Variants in RBMS1 observed in about 807,000 individuals in gnomAD.
RBMS1 encodes RNA-binding motif, single-stranded-interacting protein 1.
RBMS1 carries 17 observed loss-of-function variants against 62.3 expected under a neutral mutation model. The ratio of observed to expected loss-of-function variants is 0.27; its 90% CI spans 0.19 to 0.41. RBMS1 has a LOEUF of 0.41. RBMS1 is among the 10% of genes least tolerant of loss of function. The pLI, the probability that RBMS1 is intolerant of heterozygous loss-of-function variation, is 1.00. For synonymous variants in RBMS1, 172 were observed against 170.0 expected (o/e 1.01, Z -0.09); for missense variants, 334 against 504.5 (o/e 0.66, Z 3.24).
chr2:160,336,770 A>G (rs1240325643), intron 2 of RBMS1, among the ~76,000 whole-genome samples: 8 of 152,158 alleles, frequency 5.3e-5, no homozygotes, highest in Non-Finnish European at 4.4e-5. Flanking sequence ...GCCACATTTC[A>G]AGCACTCAAT....
intron 1 of RBMS1, among the ~76,000 whole-genome samples, chr2:160,414,596 CTT>C (rs1032142589): frequency 8.5e-5 from 13 of 152,236 alleles, no homozygotes; most frequent in African/African-American, 3.1e-4. Flanking sequence ...AAACAAATAA[CTT>C]ATAAACATTT....
rs924370284 is a variant in RBMS1 at position 160,274,111 on chromosome 2, C to T, written c.*661G>A. Reference sequence around the variant, plus strand: ...CTCATTTGGTCAAAGCATTCTACATCATTAGTTTGAACTAACTTTTACTGA... The same window carrying T: ...CTCATTTGGTCAAAGCATTCTACATTATTAGTTTGAACTAACTTTTACTGA... On this transcript the variant is annotated 3_prime_UTR_variant, in exon 14 of 14. Coordinates refer to ENST00000348849, the MANE Select transcript of RBMS1 (RefSeq NM_016836.4). The T allele has an allele frequency of 6.6e-6, 1 of 152,608 alleles. No homozygotes were observed. The highest frequency in any genetic ancestry group is 2.4e-5 in the African/African-American group (1 of 41,450). 9.5% of individuals were successfully genotyped at this position (152,608 alleles called of 1,614,324 possible). A position where few individuals can be genotyped will look rare whatever the true frequency, so the allele number is the denominator to read the frequency against.
intron 6 of RBMS1, among the ~76,000 whole-genome samples, chr2:160,296,733 A>G (rs1269640949): frequency 1.3e-5 from 2 of 152,142 alleles, no homozygotes; most frequent in Non-Finnish European, 2.9e-5. Context: ...TTATTTAATA[A>G]GGTTCAATTC....
rs544669988 is a variant in RBMS1 at position 160,303,525 on chromosome 2, A to G, written c.403-38T>C. 2.6e-6 allele frequency: 4 copies of G among 1,564,938 alleles called. No individual in the cohort carries two copies. In the South Asian group the frequency reaches 4.8e-5, roughly 19 times the overall value. On this transcript the variant is annotated intron_variant, in intron 4 of 13. Transcript: ENST00000348849. ...AGAGTGTTGTCCATTAATTTCCAAC[A>G]GAAGGTGAGATATTTATGTTAACAC...
intron 6 of RBMS1, among the ~76,000 whole-genome samples, chr2:160,297,608 G>T (rs183975686): frequency 2.0e-5 from 3 of 152,350 alleles, no homozygotes; most frequent in African/African-American, 7.2e-5. Context: ...GTGTCCTCAA[G>T]GTGATGATCT....
chr2:160,389,270 A>T (rs1694735181), intron 1 of RBMS1, among the ~76,000 whole-genome samples: 1 of 152,232 alleles, frequency 6.6e-6, no homozygotes, highest in African/African-American at 2.4e-5. Flanking sequence ...TGAGAAAAAT[A>T]CCAGAAAATG....
At chr2:160,366,701 C>CT (rs1693416692) in intron 2 of RBMS1, among the ~76,000 whole-genome samples, 1 of 152,228 alleles carries the variant, frequency 6.6e-6, no homozygotes. Flanking sequence ...GAATTGAGTT[C>CT]TTATTCCTAA....
intron 1 of RBMS1, among the ~76,000 whole-genome samples, chr2:160,377,523 G>C (rs1172296176): frequency 6.6e-6 from 1 of 152,190 alleles, no homozygotes; most frequent in Non-Finnish European, 1.5e-5. Context: ...ATTTGGGAAG[G>C]GCCCCCTTCC....
chr2:160,406,776 G>A (rs1695733023), intron 1 of RBMS1, among the ~76,000 whole-genome samples: 2 of 152,168 alleles, frequency 1.3e-5, no homozygotes, highest in African/African-American at 4.8e-5. Flanking sequence ...TTCCCAGCAG[G>A]GGATTGTGAT....
In RBMS1 at chr2:160,273,807, C is replaced by T. The variant is rs1205368786; in HGVS notation, c.*965G>A. ...CTGAAAAAAGGCAAAAAAGACTTTA[C>T]ATTGCATCATACAGCAGATATCCTA... On this transcript the variant is annotated 3_prime_UTR_variant, in exon 14 of 14. Coordinates refer to ENST00000348849, the MANE Select transcript of RBMS1 (RefSeq NM_016836.4). 1 of 135,602 alleles carries T rather than the reference C, an allele frequency of 7.4e-6. No individual in the cohort carries two copies. The highest frequency in any genetic ancestry group is 1.5e-5 in the Non-Finnish European group (1 of 64,862). The allele number at this position is 135,602 out of a possible 1,614,324, so 8.4% of individuals were successfully genotyped here.
chr2:160,414,309 T>G (rs991318666), intron 1 of RBMS1, among the ~76,000 whole-genome samples: 2 of 152,214 alleles, frequency 1.3e-5, no homozygotes, highest in African/African-American at 4.8e-5. Context: ...TTTTGTTTTT[T>G]TGTTTTTTTT....
intron 2 of RBMS1, among the ~76,000 whole-genome samples, chr2:160,359,985 G>A: frequency 6.6e-6 from 1 of 152,118 alleles, no homozygotes; most frequent in East Asian, 1.9e-4. Context: ...TACTTGGGAG[G>A]CTGAGGCAGG....
At chr2:160,420,309 A>G (rs553507240) in intron 1 of RBMS1, among the ~76,000 whole-genome samples, 2 of 152,222 alleles carry the variant, frequency 1.3e-5, no homozygotes, top group South Asian at 4.1e-4. Context: ...GAGCTTTGCC[A>G]GGAAACAGCC....
chr2:160,395,872 C>A (rs1695112097), intron 1 of RBMS1, among the ~76,000 whole-genome samples: 1 of 152,108 alleles, frequency 6.6e-6, no homozygotes, highest in Non-Finnish European at 1.5e-5. Context: ...TTTTCTTCCA[C>A]GATTATAACC....
At chr2:160,478,997 G>A (rs1471822409) in intron 1 of RBMS1, among the ~76,000 whole-genome samples, 5 of 152,196 alleles carry the variant, frequency 3.3e-5, no homozygotes, top group African/African-American at 7.2e-5. Context: ...CGTGGTGAAC[G>A]AAAGGGTTGG....
intron 2 of RBMS1, among the ~76,000 whole-genome samples, chr2:160,345,104 A>G (rs1334579648): frequency 6.6e-6 from 1 of 152,154 alleles, no homozygotes; most frequent in African/African-American, 2.4e-5. Flanking sequence ...ATTACATGGT[A>G]ATTTCAGAAG....
chr2:160,367,794 A>C (rs970805933), intron 1 of RBMS1, among the ~76,000 whole-genome samples: 1 of 152,204 alleles, frequency 6.6e-6, no homozygotes, highest in South Asian at 2.1e-4. Flanking sequence ...AAGTTGCTTA[A>C]AATTTTATTA....
At chr2:160,487,707 C>T (rs1261771690) in intron 1 of RBMS1, among the ~76,000 whole-genome samples, 1 of 152,226 alleles carries the variant, frequency 6.6e-6, no homozygotes, top group African/African-American at 2.4e-5. Context: ...ATATCAGCAT[C>T]CAACCTCACT....
intron 1 of RBMS1, among the ~76,000 whole-genome samples, chr2:160,487,257 T>G (rs1685635710): frequency 6.6e-6 from 1 of 152,228 alleles, no homozygotes. Flanking sequence ...CTTTTCACTT[T>G]CTTGCAAAAG....
Sources: allele counts gnomAD v4.1 joint callset (sites outside exome capture counted in the v4.1 genomes callset), GRCh38; gene constraint gnomAD v4.1.1; transcripts MANE v1.5; gene names NCBI Gene and HGNC (gene_info 2026-07-23, HGNC 2026-07-21).